Variants in BPIFC observed in about 807,000 individuals in gnomAD.
BPIFC encodes BPI fold containing family C, also known as BPI fold-containing family C protein.
Under a neutral mutation model 57.6 loss-of-function variants are expected in BPIFC, and 60 were observed. The ratio of observed to expected loss-of-function variants is 1.04; its 90% CI spans 0.85 to 1.29. The LOEUF (loss-of-function observed/expected upper bound fraction) is 1.29, where lower values mean the gene tolerates loss of function less well. Among genes scored for constraint, BPIFC ranks in the 50% most tolerant of loss-of-function variants. The pLI is 0.00. For missense variants in BPIFC, 581 were observed against 600.5 expected (o/e 0.97, Z 0.34); for synonymous variants, 243 against 224.5 (o/e 1.08, Z -0.74).
intron 13 of BPIFC, among the ~76,000 whole-genome samples, chr22:32,419,824 ACAGAT>A (rs1933790810): frequency 7.2e-6 from 1 of 137,978 alleles, no homozygotes; most frequent in Non-Finnish European, 1.5e-5. Flanking sequence ...AAAAAAAAAA[ACAGAT>A]AAAAATAAAA....
At chr22:32,461,883 G>A (rs1393866376) in intron 1 of BPIFC, among the ~76,000 whole-genome samples, 2 of 152,122 alleles carry the variant, frequency 1.3e-5, no homozygotes, top group African/African-American at 4.8e-5. Flanking sequence ...TTTTAAAAGA[G>A]CAAAAATAGG....
chr22:32,414,472 C>A, intron 16 of BPIFC, 47 bp from the exon 17 acceptor site: 1 of 1,599,152 alleles, frequency 6.3e-7, no homozygotes, highest in South Asian at 1.1e-5. Context: ...TTGGGCATGT[C>A]TGGGTTTGTC....
In BPIFC at chr22:32,457,403, G is replaced by T. The variant is rs1185151438; in HGVS notation, c.1-17C>A. ...TGTACACATCTGAAATTAACCAACA[G>T]TTAAGGTTCCTTTATTATTCTTGAC... On this transcript the variant is annotated splice_polypyrimidine_tract_variant and intron_variant, in intron 2 of 16. Coordinates refer to ENST00000300399, the MANE Select transcript of BPIFC (RefSeq NM_174932.3). 1 of 1,598,920 alleles carries T rather than the reference G, an allele frequency of 6.3e-7. No individual in the cohort carries two copies. Among genetic ancestry groups the T allele is most frequent in the African/African-American group, 1.4e-5 (1 of 73,978 alleles).
At chr22:32,432,128 G>T (rs779637608) in intron 12 of BPIFC, among the ~76,000 whole-genome samples, 1 of 150,878 alleles carries the variant, frequency 6.6e-6, no homozygotes, top group Admixed American at 6.6e-5. Flanking sequence ...TTTTTTTTTG[G>T]AGAGATGAGG....
chr22:32,441,582 G>A (rs1235550557), intron 8 of BPIFC, among the ~76,000 whole-genome samples: 2 of 152,176 alleles, frequency 1.3e-5, no homozygotes, highest in East Asian at 1.9e-4. Context: ...ACTTTACGGA[G>A]TGGGGGCTGT....
intron 8 of BPIFC, among the ~76,000 whole-genome samples, chr22:32,441,262 G>A (rs1417424587): frequency 6.6e-6 from 1 of 152,094 alleles, no homozygotes. Flanking sequence ...CTGCTCAGTG[G>A]TGGCTTTCCT....
Position 32,437,790 on chromosome 22 carries a change from A to G in BPIFC, c.717T>C (p.Ile239=). Residue 239 remains isoleucine (I), a synonymous_variant, in exon 9 of 17, where the codon ATT becomes ATC. Transcript: ENST00000300399. The part of the protein sequence containing the change: ...LDYSLISSPE[I]TENYLDLNLK... ...AGTTCAGGTCAAGGTAGTTCTCAGT[A>G]ATTTCTGGAGAACTGATTAGGGAGT... The G allele has an allele frequency of 6.2e-7, 1 of 1,611,570 alleles. No individual in the cohort carries two copies.
At chr22:32,431,521 T>A in intron 12 of BPIFC, 107 bp from the exon 13 acceptor site, 1 of 739,460 alleles carries the variant, frequency 1.4e-6, no homozygotes, top group East Asian at 2.8e-5. Context: ...TCCCCCTTAG[T>A]GTAAAGACAT....
At chr22:32,424,244 T>G (rs549544986) in intron 13 of BPIFC, among the ~76,000 whole-genome samples, 1 of 152,298 alleles carries the variant, frequency 6.6e-6, no homozygotes, top group South Asian at 2.1e-4. Flanking sequence ...GTGGCAGAGG[T>G]AGAATTCAAA....
At chr22:32,428,274 C>CGT (rs1183994820) in intron 13 of BPIFC, among the ~76,000 whole-genome samples, 98 of 144,616 alleles carry the variant, frequency 6.8e-4, no homozygotes, top group Admixed American at 1.9e-3. Flanking sequence ...TGTGTGCGCG[C>CGT]GCGTGTGTGT....
rs1024993274 is a variant in BPIFC, at chr22:32,455,265, G to T, written c.125-1762C>A. ...CGGGTTTCACCATGTTGACCTGGAT[G>T]GTCTCGATCTCTTGACCTCGTGATC... is the stretch of plus-strand genomic sequence containing the variant. On this transcript the variant is annotated intron_variant, in intron 3 of 16. Transcript: ENST00000300399. Among the ~76,000 whole-genome samples the T allele has an allele frequency of 6.6e-5, 10 of 151,940 alleles. 1 individual carries two copies. The highest frequency in any genetic ancestry group is 2.4e-4 in the African/African-American group (10 of 41,446).
At chr22:32,454,976 G>A (rs759634484) in intron 3 of BPIFC, among the ~76,000 whole-genome samples, 24 of 151,600 alleles carry the variant, frequency 1.6e-4, no homozygotes, top group South Asian at 2.1e-4. Context: ...CATTCTAAGC[G>A]CTTTACGTAT....
chr22:32,461,406 C>G (rs1231658740), intron 2 of BPIFC, among the ~76,000 whole-genome samples, 168 bp downstream of exon 2: 1 of 151,970 alleles, frequency 6.6e-6, no homozygotes, highest in African/African-American at 2.4e-5. Context: ...GGGTTGAGAG[C>G]TGAGGGGAAG....
At position 32,430,180 on chromosome 22, in the gene BPIFC, T is replaced by C. The variant is rs759675956; in HGVS notation, c.1217+1167A>G. ...GGGGAAGATCTTGTTAACTTCTCTG[T>C]TCTAGTAATGGGATCAGATGGTCAG... On this transcript the variant is annotated intron_variant, in intron 13 of 16. Coordinates refer to ENST00000300399, the MANE Select transcript of BPIFC (RefSeq NM_174932.3). Among the ~76,000 whole-genome samples the C allele has an allele frequency of 3.3e-5, 5 of 152,298 alleles. No individual in the cohort carries two copies. In the East Asian group the frequency reaches 5.8e-4, roughly 18 times the overall value.
chr22:32,421,476 C>T (rs750438551), intron 13 of BPIFC, among the ~76,000 whole-genome samples: 19 of 152,288 alleles, frequency 1.2e-4, no homozygotes, highest in Middle Eastern at 3.4e-3. Context: ...CCTACTTCTG[C>T]ATCAGCCTTC....
chr22:32,439,088 G>C (rs1443944640), intron 8 of BPIFC, among the ~76,000 whole-genome samples: 1 of 152,138 alleles, frequency 6.6e-6, no homozygotes, highest in Admixed American at 6.5e-5. Flanking sequence ...CACTTTGGGA[G>C]GCTGAGGTGG....
At chr22:32,446,590 T>G in intron 5 of BPIFC, 1 of 212,308 alleles carries the variant, frequency 4.7e-6, no homozygotes, top group Non-Finnish European at 8.1e-6. Flanking sequence ...GGATAAATGT[T>G]ACACAGCAGG....
chr22:32,463,924 G>T (rs1935210515), intron 1 of BPIFC, among the ~76,000 whole-genome samples: 1 of 152,122 alleles, frequency 6.6e-6, no homozygotes, highest in Non-Finnish European at 1.5e-5. Flanking sequence ...GCAGGATCTA[G>T]GTCACTGATG....
rs1569451893 is a variant in BPIFC, at chr22:32,437,850, A to T, written c.657T>A (p.Val219=). 1 of 1,595,140 alleles carries T rather than the reference A, an allele frequency of 6.3e-7. No individual in the cohort carries two copies. Among genetic ancestry groups the T allele is most frequent in the Non-Finnish European group, 8.6e-7 (1 of 1,163,826 alleles). ...ALNANLSTLE[V]LTKIDNYTLL... is the part of the protein sequence containing the mutation. ...GAGTGTAGTTGTCAATCTTGGTTAA[A>T]ACTAAATAACCAACAAAGAAAAAAG... Residue 219 remains valine (V), a splice_region_variant and synonymous_variant, in exon 9 of 17, where the codon GTT becomes GTA. Transcript: ENST00000300399.
Sources: allele counts gnomAD v4.1 joint callset (sites outside exome capture counted in the v4.1 genomes callset), GRCh38; gene constraint gnomAD v4.1.1; transcripts MANE v1.5; gene names NCBI Gene and HGNC (gene_info 2026-07-23, HGNC 2026-07-21).